Variants in RBFOX1 observed in about 807,000 individuals in gnomAD.
RBFOX1 encodes RNA binding protein fox-1 homolog 1.
Under a neutral mutation model 57.7 loss-of-function variants are expected in RBFOX1, and 8 were observed. That is an observed-to-expected ratio of 0.14 (90% CI 0.08 to 0.25). The LOEUF (loss-of-function observed/expected upper bound fraction) is 0.25, where lower values mean the gene tolerates loss of function less well. Ranked by LOEUF, RBFOX1 falls within the 10% of genes least tolerant of loss-of-function variation. The pLI is 1.00. For synonymous variants in RBFOX1, 326 were observed against 222.4 expected (o/e 1.47, Z -4.15); for missense variants, 611 against 548.5 (o/e 1.11, Z -1.14).
chr16:5,756,258 A>G (rs1331864444), intron 3 of RBFOX1, among the ~76,000 whole-genome samples: 1 of 130,078 alleles, frequency 7.7e-6, no homozygotes, highest in Non-Finnish European at 1.6e-5. Flanking sequence ...ACCCTGCACC[A>G]CCTCCTGCAG....
chr16:7,041,501 C>G (rs1048467289), intron 3 of RBFOX1, among the ~76,000 whole-genome samples: 2 of 152,156 alleles, frequency 1.3e-5, no homozygotes, highest in East Asian at 1.9e-4. Context: ...GTGACAAGCG[C>G]TGTCCTTACT....
intron 1 of RBFOX1, among the ~76,000 whole-genome samples, chr16:6,263,739 T>G (rs1286532499): frequency 6.6e-6 from 1 of 152,168 alleles, no homozygotes; most frequent in African/African-American, 2.4e-5. Flanking sequence ...TTTGTCATTA[T>G]CTCCTACAAA....
chr16:6,725,321 G>A (rs1367681361), intron 3 of RBFOX1, among the ~76,000 whole-genome samples: 1 of 151,890 alleles, frequency 6.6e-6, no homozygotes, highest in Non-Finnish European at 1.5e-5. Flanking sequence ...AAAGTGCTGG[G>A]ATTACAGGTT....
At chr16:6,500,456 C>T (rs983033739) in intron 2 of RBFOX1, among the ~76,000 whole-genome samples, 2 of 152,168 alleles carry the variant, frequency 1.3e-5, no homozygotes, top group Admixed American at 6.5e-5. Flanking sequence ...CAAATTGCAG[C>T]TCCAACACCT....
chr16:6,414,380 C>T (rs1041710103), intron 2 of RBFOX1, among the ~76,000 whole-genome samples: 1 of 152,150 alleles, frequency 6.6e-6, no homozygotes, highest in African/African-American at 2.4e-5. Context: ...GCATGTATTT[C>T]CCGGGCACCT....
chr16:7,359,217 C>G (rs1044171384), intron 4 of RBFOX1, among the ~76,000 whole-genome samples: 4 of 152,176 alleles, frequency 2.6e-5, no homozygotes, highest in Non-Finnish European at 5.9e-5. Context: ...GTTTCTAATC[C>G]TTACCTCTCA....
intron 1 of RBFOX1, among the ~76,000 whole-genome samples, chr16:5,389,468 C>G (rs974132677): frequency 6.6e-6 from 1 of 152,014 alleles, no homozygotes; most frequent in Non-Finnish European, 1.5e-5. Context: ...TTGTGAAACC[C>G]CAAATGTCTC....
chr16:6,188,115 A>T (rs1423745492), intron 1 of RBFOX1, among the ~76,000 whole-genome samples: 3 of 152,080 alleles, frequency 2.0e-5, no homozygotes, highest in Non-Finnish European at 4.4e-5. Flanking sequence ...TTCCCTCTAT[A>T]TTTGTAAGTT....
At chr16:7,053,955 A>G (rs1353313696) in intron 4 of RBFOX1, among the ~76,000 whole-genome samples, 1 of 152,114 alleles carries the variant, frequency 6.6e-6, no homozygotes, top group African/African-American at 2.4e-5. Flanking sequence ...AAATAGTACC[A>G]AAGAGAGTGC....
chr16:7,489,391 A>T (rs933669215), intron 4 of RBFOX1, among the ~76,000 whole-genome samples: 1 of 152,232 alleles, frequency 6.6e-6, no homozygotes, highest in Non-Finnish European at 1.5e-5. Context: ...GCCAGGTCCT[A>T]ATGCCAAGTA....
intron 1 of RBFOX1, among the ~76,000 whole-genome samples, chr16:6,298,127 C>G (rs527584442): frequency 6.6e-6 from 1 of 152,194 alleles, no homozygotes; most frequent in South Asian, 2.1e-4. Flanking sequence ...GTAACACACG[C>G]CCAGTTGGGC....
chr16:5,498,044 G>C (rs551960378), intron 2 of RBFOX1, among the ~76,000 whole-genome samples: 4 of 152,208 alleles, frequency 2.6e-5, no homozygotes, highest in African/African-American at 4.8e-5. Context: ...GAAGATTCCA[G>C]AGTGGCTGGA....
At chr16:6,488,248 T>C (rs1203162392) in intron 2 of RBFOX1, among the ~76,000 whole-genome samples, 2 of 152,200 alleles carry the variant, frequency 1.3e-5, no homozygotes, top group Admixed American at 1.3e-4. Flanking sequence ...AGTTGTAGTC[T>C]CTAGTTGTGA....
chr16:5,989,948 G>T (rs1227971270), intron 4 of RBFOX1, among the ~76,000 whole-genome samples: 1 of 151,662 alleles, frequency 6.6e-6, no homozygotes, highest in Non-Finnish European at 1.5e-5. Context: ...GGAAGCCAGT[G>T]AGATTTTGTG....
chr16:6,017,712 G>A (rs1294355782), upstream of RBFOX1, among the ~76,000 whole-genome samples: 4 of 152,210 alleles, frequency 2.6e-5, no homozygotes, highest in Non-Finnish European at 4.4e-5. Context: ...ATAGGCAGAA[G>A]TTCCCTTTCT....
chr16:6,092,005 A>G (rs984985162), intron 1 of RBFOX1, among the ~76,000 whole-genome samples: 1 of 152,008 alleles, frequency 6.6e-6, no homozygotes, highest in African/African-American at 2.4e-5. Flanking sequence ...TCCTCCATCT[A>G]TCTACCTACC....
intron 4 of RBFOX1, among the ~76,000 whole-genome samples, chr16:7,316,091 A>G (rs567697539): frequency 6.6e-6 from 1 of 152,250 alleles, no homozygotes. Flanking sequence ...TTTCCAAAAA[A>G]ATAAAATCAC....
At chr16:6,300,488 C>T (rs181867421) in intron 1 of RBFOX1, among the ~76,000 whole-genome samples, 180 of 152,310 alleles carry the variant, frequency 1.2e-3, no homozygotes, top group Non-Finnish European at 2.2e-3. Flanking sequence ...AACCCAACTA[C>T]CTACCTCACA....
At chr16:6,478,902 A>G (rs1470327342) in intron 2 of RBFOX1, among the ~76,000 whole-genome samples, 2 of 152,194 alleles carry the variant, frequency 1.3e-5, no homozygotes, top group Admixed American at 6.5e-5. Flanking sequence ...GCAATAATGA[A>G]AAGGTTTGAT....
Sources: allele counts gnomAD v4.1 joint callset (sites outside exome capture counted in the v4.1 genomes callset), GRCh38; gene constraint gnomAD v4.1.1; transcripts MANE v1.5; gene names NCBI Gene and HGNC (gene_info 2026-07-23, HGNC 2026-07-21).